RPH3AL: variants seen among roughly 807,000 people sequenced by gnomAD.
RPH3AL encodes the protein rabphilin 3A like (without C2 domains), also known as rab effector Noc2.
A neutral mutation model predicts 43.1 loss-of-function variants in RPH3AL; 38 were observed. The observed-to-expected ratio is 0.88, with a 90% CI of 0.68 to 1.15. RPH3AL has a LOEUF of 1.15. RPH3AL is among the 50% of genes most tolerant of loss of function. RPH3AL has a pLI of 0.00. For missense variants in RPH3AL, 462 were observed against 423.2 expected, an observed-to-expected ratio of 1.09 and a Z score of -0.81; for synonymous variants, 189 against 176.3, an observed-to-expected ratio of 1.07 and a Z score of -0.57.
At chr17:277,709 C>T (rs1283903065) in intron 6 of RPH3AL, among the ~76,000 whole-genome samples, 5 of 152,094 alleles carry the variant, frequency 3.3e-5, no homozygotes, top group East Asian at 1.9e-4. Flanking sequence ...AATCTCAGCA[C>T]GTTGGGAGAC....
Position 253,811 on chromosome 17 carries a change from T to G in RPH3AL, c.439-6526A>C, listed in dbSNP as rs1377620584. Among the ~76,000 whole-genome samples, 123 of 87,616 alleles carry G rather than the reference T, an allele frequency of 1.4e-3. 2 individuals carry two copies. Among genetic ancestry groups the G allele is most frequent in the African/African-American group, 3.9e-3 (98 of 25,450 alleles). 57.5% of individuals were successfully genotyped at this position (87,616 alleles called of 152,430 possible). ...CTGTCCTTTTCCATCCCTAGGAACG[T>G]GACTACCCTACGTACTTCCTATGAG... On this transcript the variant is annotated intron_variant, in intron 6 of 9. Transcript: ENST00000331302.
Position 242,644 on chromosome 17 carries a change from CCCTTCCTCTATTGACTA to C in RPH3AL, c.613+4450_613+4466del, listed in dbSNP as rs1567576628. On this transcript the variant is annotated intron_variant, in intron 7 of 9. Coordinates refer to ENST00000331302, the MANE Select transcript of RPH3AL (RefSeq NM_006987.4). ...ATTGATTACCTTCCTCTATTGATTA[CCCTTCCTCTATTGACTA>C]CCTTCCTCTATTGACTACCTTCCTC... Among the ~76,000 whole-genome samples, 76 of 128,822 alleles carry C rather than the reference CCCTTCCTCTATTGACTA, an allele frequency of 5.9e-4. 1 individual carries two copies. Among genetic ancestry groups the C allele is most frequent in the South Asian group, 8.9e-4 (3 of 3,370 alleles). 84.5% of individuals were successfully genotyped at this position (128,822 alleles called of 152,430 possible).
At chr17:301,421 A>G (rs1160928053) in intron 5 of RPH3AL, among the ~76,000 whole-genome samples, 2 of 151,974 alleles carry the variant, frequency 1.3e-5, no homozygotes, top group African/African-American at 2.4e-5. Flanking sequence ...CTCCCACCTC[A>G]GCCTCCCCAG....
At position 272,988 on chromosome 17, in the gene RPH3AL, GTCAGGGTGAGACCCCAGCGAGGGCGACA is replaced by G. The variant is rs1567604492; in HGVS notation, c.438+8752_438+8779del. ...AGGGTGAGACCCCAGCAAGGGCTAC[GTCAGGGTGAGACCCCAGCGAGGGCGACA>G]TCAGGAAGAGACCCCAGCGAGGGCG... On this transcript the variant is annotated intron_variant, in intron 6 of 9. Transcript: ENST00000331302. Among the ~76,000 whole-genome samples, 94 of 37,962 alleles carry G rather than the reference GTCAGGGTGAGACCCCAGCGAGGGCGACA, an allele frequency of 2.5e-3. 2 individuals are homozygous for G. The highest frequency in any genetic ancestry group is 7.2e-3 in the African/African-American group (85 of 11,784). The allele number at this position is 37,962 out of a possible 152,430, so 24.9% of individuals were successfully genotyped here. A position where few individuals can be genotyped will look rare whatever the true frequency, so the allele number is the denominator to read the frequency against.
At chr17:291,349 G>C (rs1389104523) in intron 5 of RPH3AL, among the ~76,000 whole-genome samples, 1 of 151,996 alleles carries the variant, frequency 6.6e-6, no homozygotes, top group Non-Finnish European at 1.5e-5. Flanking sequence ...AGACCAGCCT[G>C]GGCAACACAA....
intron 5 of RPH3AL, among the ~76,000 whole-genome samples, chr17:313,782 T>A (rs770115165): frequency 3.3e-5 from 5 of 152,016 alleles, no homozygotes; most frequent in Non-Finnish European, 5.9e-5. Context: ...ATTTACAGAA[T>A]GAATGAAGAT....
At chr17:236,887 G>T (rs942294997) in intron 7 of RPH3AL, among the ~76,000 whole-genome samples, 3 of 151,926 alleles carry the variant, frequency 2.0e-5, no homozygotes, top group Admixed American at 2.0e-4. Context: ...TTTGGAAGCC[G>T]GGATCCTGGG....
chr17:248,659 A>G (rs1220696891), intron 6 of RPH3AL, among the ~76,000 whole-genome samples: 1 of 152,046 alleles, frequency 6.6e-6, no homozygotes, highest in Admixed American at 6.5e-5. Context: ...CTGTTCCTCT[A>G]ATATCCCCAG....
intron 5 of RPH3AL, among the ~76,000 whole-genome samples, chr17:299,109 C>A (rs1184975038): frequency 6.6e-6 from 1 of 152,116 alleles, no homozygotes; most frequent in African/African-American, 2.4e-5. Context: ...TGCACTTGAA[C>A]AAGCAGAGGA....
intron 5 of RPH3AL, among the ~76,000 whole-genome samples, chr17:316,453 C>A (rs2044196165): frequency 6.6e-6 from 1 of 151,384 alleles, no homozygotes; most frequent in African/African-American, 2.4e-5. Flanking sequence ...CTGTGCTCCA[C>A]CTCCACTGAC....
chr17:237,018 G>T (rs1012242797), intron 7 of RPH3AL, among the ~76,000 whole-genome samples: 3 of 152,198 alleles, frequency 2.0e-5, no homozygotes, highest in African/African-American at 7.2e-5. Flanking sequence ...GCATCAGCTG[G>T]GTTAGCGGCC....
Position 213,509 on chromosome 17 carries a change from C to T in RPH3AL, c.*343G>A, listed in dbSNP as rs1227647449. On this transcript the variant is annotated 3_prime_UTR_variant, in exon 10 of 10. Transcript: ENST00000331302. ...TAGCAACGGAGATAGCCCCACCGGG[C>T]GGCCCCTCTGACACTGCATGTGGGA... 4 of 410,378 alleles carry T rather than the reference C, an allele frequency of 9.7e-6. No individual in the cohort carries two copies. Among genetic ancestry groups the T allele is most frequent in the African/African-American group, 2.0e-5 (1 of 48,794 alleles). 25.4% of individuals were successfully genotyped at this position (410,378 alleles called of 1,614,324 possible).
At chr17:253,294 G>A (rs1202952248) in intron 6 of RPH3AL, among the ~76,000 whole-genome samples, 1 of 152,140 alleles carries the variant, frequency 6.6e-6, no homozygotes, top group Non-Finnish European at 1.5e-5. Context: ...CCAGGTTGAT[G>A]CTCAGGGTGA....
chr17:299,454 C>T (rs1255586365), intron 5 of RPH3AL, among the ~76,000 whole-genome samples: 1 of 152,166 alleles, frequency 6.6e-6, no homozygotes, highest in Non-Finnish European at 1.5e-5. Context: ...TGTTGAGGCC[C>T]AGGCTAAAAG....
intron 7 of RPH3AL, among the ~76,000 whole-genome samples, chr17:236,848 T>C (rs1374182857): frequency 6.6e-6 from 1 of 152,242 alleles, no homozygotes; most frequent in East Asian, 1.9e-4. Context: ...GCTGCACGGC[T>C]TCCGCCACGG....
intron 1 of RPH3AL, among the ~76,000 whole-genome samples, chr17:348,729 T>C (rs1438879745): frequency 6.6e-6 from 1 of 152,182 alleles, no homozygotes; most frequent in East Asian, 1.9e-4. Flanking sequence ...CCATCATCCC[T>C]GTTTGCTAAA....
chr17:286,264 G>T (rs1299678377), intron 5 of RPH3AL, among the ~76,000 whole-genome samples: 1 of 152,174 alleles, frequency 6.6e-6, no homozygotes, highest in Non-Finnish European at 1.5e-5. Flanking sequence ...TTGGGTGAAG[G>T]GCTGTCCCTG....
intron 6 of RPH3AL, among the ~76,000 whole-genome samples, chr17:275,635 C>T (rs1043221535): frequency 2.0e-5 from 3 of 152,190 alleles, no homozygotes; most frequent in Non-Finnish European, 2.9e-5. Flanking sequence ...GCAGCCTCGA[C>T]CTCTGGGGCT....
In RPH3AL at chr17:215,816, C is replaced by A. The variant is rs369677972; in HGVS notation, c.728-14G>T. 1 of 1,300,714 alleles carries A rather than the reference C, an allele frequency of 7.7e-7. No homozygotes were observed. The highest frequency in any genetic ancestry group is 9.8e-7 in the Non-Finnish European group (1 of 1,021,186). The allele number at this position is 1,300,714 out of a possible 1,614,324, so 80.6% of individuals were successfully genotyped here. The stretch of plus-strand genomic sequence containing the variant: ...CCACGCTGCCACCTGTGGGAAATCA[C>A]GTGTGGGCCCCGTGGATCTCAAACC... On this transcript the variant is annotated splice_polypyrimidine_tract_variant and intron_variant, in intron 8 of 9. Coordinates refer to ENST00000331302, the MANE Select transcript of RPH3AL (RefSeq NM_006987.4). This position sits in a 1 kb window ranked among gnomAD's most constrained non-coding sequence, Gnocchi z 4.1.
Sources: gnomAD v4.1 joint callset for allele counts (sites outside exome capture counted in the v4.1 genomes callset) on GRCh38, gnomAD v4.1.1 for gene constraint, Gnocchi (gnomAD v3.1) non-coding constraint, MANE v1.5 for transcripts, NCBI Gene and HGNC (gene_info 2026-07-23, HGNC 2026-07-21) for gene names.